Variants in ZNF804B observed in about 807,000 individuals in gnomAD.
The protein encoded by ZNF804B is zinc finger 804B.
Under a neutral mutation model 101.4 loss-of-function variants are expected in ZNF804B, and 80 were observed. That is an observed-to-expected ratio of 0.79 (90% confidence interval 0.66 to 0.95). The LOEUF (loss-of-function observed/expected upper bound fraction) is 0.95. Among genes scored for constraint, ZNF804B ranks in the 40% least tolerant of loss-of-function variants. ZNF804B has a pLI of 0.00. For synonymous variants in ZNF804B, 622 were observed against 558.8 expected, an observed-to-expected ratio of 1.11 and a Z score of -1.59; for missense variants, 1,673 against 1,561.9, an observed-to-expected ratio of 1.07 and a Z score of -1.20.
intron 2 of ZNF804B, among the ~76,000 whole-genome samples, chr7:89,299,139 C>A (rs1790437858): frequency 6.6e-6 from 1 of 151,954 alleles, no homozygotes; most frequent in Non-Finnish European, 1.5e-5. Context: ...ATATAGATTG[C>A]TAGCATTTTA....
chr7:89,016,704 T>C (rs1253750764), intron 1 of ZNF804B, among the ~76,000 whole-genome samples: 1 of 152,144 alleles, frequency 6.6e-6, no homozygotes, highest in East Asian at 1.9e-4. Context: ...TATATGTCTG[T>C]TTTGGTACCA....
At chr7:89,270,826 A>C (rs555034605) in intron 2 of ZNF804B, among the ~76,000 whole-genome samples, 14 of 152,012 alleles carry the variant, frequency 9.2e-5, no homozygotes, top group Non-Finnish European at 1.3e-4. Context: ...ATGTTTGAAG[A>C]AATTGTGAAT....
chr7:89,278,072 G>T (rs2115859001), intron 2 of ZNF804B, among the ~76,000 whole-genome samples: 2 of 152,256 alleles, frequency 1.3e-5, no homozygotes, highest in African/African-American at 4.8e-5. Context: ...TCTCATTGTG[G>T]TTTTGATTTG....
At chr7:89,295,856 T>C (rs1208892) in intron 2 of ZNF804B, among the ~76,000 whole-genome samples, 139,167 of 152,090 alleles carry the variant, frequency 0.92, 63,833 homozygotes, top group East Asian at 1. Flanking sequence ...TTTGCAGCAA[T>C]GTGGATGGAG....
chr7:89,088,034 A>G (rs1162757008), intron 1 of ZNF804B, among the ~76,000 whole-genome samples: 2 of 151,424 alleles, frequency 1.3e-5, no homozygotes, highest in East Asian at 3.9e-4. Context: ...ATAACTCTTC[A>G]AGAGAGTATA....
At chr7:89,221,730 T>C (rs544885249) in intron 2 of ZNF804B, among the ~76,000 whole-genome samples, 2 of 148,864 alleles carry the variant, frequency 1.3e-5, no homozygotes, top group East Asian at 3.9e-4. Context: ...TATTCTATTC[T>C]ATTCTATTCT....
At chr7:88,940,753 G>A (rs1323490973) in intron 1 of ZNF804B, among the ~76,000 whole-genome samples, 1 of 128,080 alleles carries the variant, frequency 7.8e-6, no homozygotes. Flanking sequence ...GGGCAACAAA[G>A]TGGGACCCTA....
intron 2 of ZNF804B, among the ~76,000 whole-genome samples, chr7:89,248,140 C>T (rs1243821139): frequency 1.3e-5 from 2 of 152,006 alleles, no homozygotes; most frequent in Non-Finnish European, 2.9e-5. Context: ...TCCTGGCATT[C>T]CTGAAAGAGA....
intron 1 of ZNF804B, among the ~76,000 whole-genome samples, chr7:88,865,560 A>C (rs1791714171): frequency 6.6e-6 from 1 of 152,060 alleles, no homozygotes; most frequent in Non-Finnish European, 1.5e-5. Flanking sequence ...TACATACATA[A>C]ATGCATATAT....
At chr7:88,841,195 T>C (rs566766100) in intron 1 of ZNF804B, among the ~76,000 whole-genome samples, 2 of 152,280 alleles carry the variant, frequency 1.3e-5, no homozygotes, top group African/African-American at 4.8e-5. Context: ...AGGAATGTCA[T>C]TGTTTAGGAT....
chr7:88,974,820 A>G (rs959753074), intron 1 of ZNF804B, among the ~76,000 whole-genome samples: 4 of 151,416 alleles, frequency 2.6e-5, no homozygotes, highest in South Asian at 2.1e-4. Flanking sequence ...TTATTACAAA[A>G]TGTATAATAA....
intron 1 of ZNF804B, among the ~76,000 whole-genome samples, chr7:88,761,450 A>G (rs1289704027): frequency 6.6e-6 from 1 of 152,204 alleles, no homozygotes; most frequent in Non-Finnish European, 1.5e-5. Context: ...TCTAAGTAGC[A>G]GGTCTGAATC....
intron 1 of ZNF804B, among the ~76,000 whole-genome samples, chr7:89,010,339 G>C (rs529041884): frequency 6.6e-6 from 1 of 152,104 alleles, no homozygotes; most frequent in South Asian, 2.1e-4. Flanking sequence ...TTACAGTATT[G>C]ATTAAGTGGC....
At chr7:89,249,878 T>C (rs1380178278) in intron 2 of ZNF804B, among the ~76,000 whole-genome samples, 1 of 152,114 alleles carries the variant, frequency 6.6e-6, no homozygotes, top group African/African-American at 2.4e-5. Context: ...GTAGGATTGA[T>C]AGACTGCTAA....
At chr7:89,173,552 T>C (rs1418608488) in intron 1 of ZNF804B, among the ~76,000 whole-genome samples, 1 of 152,080 alleles carries the variant, frequency 6.6e-6, no homozygotes, top group Non-Finnish European at 1.5e-5. Context: ...AAGAATGAAA[T>C]GGATAAATAA....
Position 89,328,375 on chromosome 7 carries a change from CTAAT to C in ZNF804B, c.380+907_380+910del, listed in dbSNP as rs371752860. Reference sequence around the variant, plus strand: ...ATTTATTTATAACTTTTAGAATAATCTAATTAATTTATGAAAATACATAAAAGAT... The same window carrying C: ...ATTTATTTATAACTTTTAGAATAATCTAATTTATGAAAATACATAAAAGAT... On this transcript the variant is annotated intron_variant, in intron 3 of 3. Transcript: ENST00000333190. Among the ~76,000 whole-genome samples, 1,392 of 151,716 alleles carry C rather than the reference CTAAT, an allele frequency of 9.2e-3. 18 individuals are homozygous for C. The highest frequency in any genetic ancestry group is 0.031 in the African/African-American group (1,298 of 41,410).
At chr7:88,859,996 A>G (rs2115853711) in intron 1 of ZNF804B, among the ~76,000 whole-genome samples, 1 of 152,040 alleles carries the variant, frequency 6.6e-6, no homozygotes, top group South Asian at 2.1e-4. Context: ...TTTAAATTAT[A>G]GAAAAAGTAA....
intron 1 of ZNF804B, among the ~76,000 whole-genome samples, chr7:88,877,005 AAAATATATATATATATATATAATAT>A (rs1791949680): frequency 1.2e-5 from 1 of 85,066 alleles, no homozygotes; most frequent in Admixed American, 1.2e-4. Context: ...TTTGAAAAAA[AAAATATATATATATATATATAATAT>A]ATATATATAT....
At chr7:89,132,836 C>T (rs1395381158) in intron 1 of ZNF804B, among the ~76,000 whole-genome samples, 3 of 151,994 alleles carry the variant, frequency 2.0e-5, no homozygotes, top group Non-Finnish European at 4.4e-5. Flanking sequence ...CTCAATGCTT[C>T]GTGTACATTT....
Sources: gnomAD v4.1 joint callset for allele counts (sites outside exome capture counted in the v4.1 genomes callset) on GRCh38, gnomAD v4.1.1 for gene constraint, MANE v1.5 for transcripts, NCBI Gene and HGNC (gene_info 2026-07-23, HGNC 2026-07-21) for gene names.